Variants in TRMT44 observed in about 807,000 individuals in gnomAD.
The protein encoded by TRMT44 is tRNA methyltransferase 44 homolog.
Under a neutral mutation model 77.3 loss-of-function variants are expected in TRMT44, and 78 were observed. That is an observed-to-expected ratio of 1.01 (90% CI 0.84 to 1.22). TRMT44 has a LOEUF of 1.22. Ranked by LOEUF, TRMT44 falls within the 50% of genes most tolerant of loss-of-function variation. The pLI is 0.00. For synonymous variants in TRMT44, 391 were observed against 383.3 expected, an observed-to-expected ratio of 1.02 and a Z score of -0.23; for missense variants, 1,090 against 964.4, an observed-to-expected ratio of 1.13 and a Z score of -1.73.
the TRMT44 span, among the ~76,000 whole-genome samples, chr4:8,506,329 G>C: frequency 4.6e-5 from 7 of 152,352 alleles, no homozygotes; most frequent in Non-Finnish European, 7.3e-5. Flanking sequence ...TGGAGCAGAA[G>C]GGATTTCTCC....
Position 8,468,046 on chromosome 4 carries a change from C to G in TRMT44, c.1627C>G (p.Pro543Ala). 6.2e-7 allele frequency: 1 copy of G among 1,614,008 alleles called. No homozygotes were observed. Among genetic ancestry groups the G allele is most frequent in the Non-Finnish European group, 8.5e-7 (1 of 1,180,042 alleles). The change falls in exon 9 of 11, where the codon CCA (proline) becomes GCA (alanine). Residue 543 changes from proline to alanine, a missense_variant. By Grantham distance (27) the Pro-to-Ala change is conservative. Transcript: ENST00000389737. ...SPPGWELSPSPRWVAAGSAGH... is the reference protein window; with the variant it reads ...SPPGWELSPSARWVAAGSAGH... Reference sequence around the variant, plus strand: ...ACCTGGCTGGGAGCTTTCCCCTTCTCCACGCTGGGTTGCTGCTGGCAGTGC... The same window carrying G: ...ACCTGGCTGGGAGCTTTCCCCTTCTGCACGCTGGGTTGCTGCTGGCAGTGC...
chr4:8,456,813 T>C (rs777046636), intron 6 of TRMT44, among the ~76,000 whole-genome samples: 71 of 152,300 alleles, frequency 4.7e-4, no homozygotes, highest in South Asian at 2.1e-4. Context: ...TGACTTGGGT[T>C]GTAAAAATAT....
At chr4:8,498,837 A>G in the TRMT44 span, among the ~76,000 whole-genome samples, 2 of 152,132 alleles carry the variant, frequency 1.3e-5, no homozygotes, top group Admixed American at 1.3e-4. This position sits in a 1 kb window ranked among gnomAD's most constrained non-coding sequence, Gnocchi z 4.3. Flanking sequence ...ATACAGGGGC[A>G]GGGGGCATGG....
intron 1 of TRMT44, 52 bp downstream of exon 1, chr4:8,441,493 A>T: frequency 2.1e-6 from 3 of 1,438,274 alleles, no homozygotes; most frequent in Non-Finnish European, 2.7e-6. Context: ...AAGCATTCAT[A>T]GAACCTCGGG....
At chr4:8,475,063 T>C (rs1421032772) in intron 10 of TRMT44, among the ~76,000 whole-genome samples, 1 of 152,176 alleles carries the variant, frequency 6.6e-6, no homozygotes, top group African/African-American at 2.4e-5. Flanking sequence ...CCAGAGCTCA[T>C]TGGCCTCTGT....
the TRMT44 span, among the ~76,000 whole-genome samples, chr4:8,499,364 A>G: frequency 6.6e-6 from 1 of 152,194 alleles, no homozygotes; most frequent in African/African-American, 2.4e-5. Context: ...CAATGCTGCC[A>G]AACCGCAGCC....
At position 8,470,323 on chromosome 4, in the gene TRMT44, AG is replaced by A. The variant is rs112287447; in HGVS notation, c.1928-759del. Reference sequence around the variant, plus strand: ...GTGTCCTGATCCGTAGGGGTCTGACAGGCTCAGCTGCATACAGACAGGCGCC... The same window carrying A: ...GTGTCCTGATCCGTAGGGGTCTGACAGCTCAGCTGCATACAGACAGGCGCC... On this transcript the variant is annotated intron_variant, in intron 9 of 10. Transcript: ENST00000389737. Among the ~76,000 whole-genome samples, 60 of 152,308 alleles carry A rather than the reference AG, an allele frequency of 3.9e-4. 1 individual carries two copies. The highest frequency in any genetic ancestry group is 1.4e-3 in the African/African-American group (60 of 41,566).
intron 2 of TRMT44, among the ~76,000 whole-genome samples, chr4:8,483,410 G>GT (rs200570464): frequency 0.054 from 8,134 of 149,652 alleles, 378 homozygotes; most frequent in African/African-American, 0.12. Context: ...GGGTTGACAA[G>GT]TTTTTTTGGG....
intron 7 of TRMT44, 47 bp from the exon 8 acceptor site, chr4:8,465,331 C>A (rs376831517): frequency 1.1e-5 from 17 of 1,541,998 alleles, no homozygotes; most frequent in Non-Finnish European, 1.5e-5. Context: ...TCCTTGACTG[C>A]GTCTGCTCAG....
chr4:8,516,000 G>C, the TRMT44 span, among the ~76,000 whole-genome samples: 1,305 of 152,302 alleles, frequency 8.6e-3, 5 homozygotes, highest in Middle Eastern at 0.024. Flanking sequence ...GGAGTGAGAT[G>C]GTTGTCCGTG....
the TRMT44 span, among the ~76,000 whole-genome samples, chr4:8,503,787 T>C: frequency 1.7e-4 from 26 of 152,218 alleles, no homozygotes; most frequent in Non-Finnish European, 2.8e-4. Flanking sequence ...CCCGCATCTC[T>C]GGCTGTTCTT....
rs1466820839 is a variant in TRMT44 at position 8,468,270 on chromosome 4, G to T, written c.1851G>T (p.Ala617=). Residue 617 remains alanine, a synonymous_variant, in exon 9 of 11, where the codon GCG becomes GCT. Transcript: ENST00000389737. ...DFIDQVVLQV[A]NLLLGGKQLN... ...TTGACCAAGTGGTTTTGCAAGTAGC[G>T]AATTTACTGTTAGGTGGAAAGCAAT... 1 of 1,614,236 alleles carries T rather than the reference G, an allele frequency of 6.2e-7. No individual in the cohort carries two copies. The highest frequency in any genetic ancestry group is 1.1e-5 in the South Asian group (1 of 91,086).
rs1304685550 is a variant in TRMT44, at chr4:8,461,251, C to T, written c.1204-2734C>T. Reference sequence around the variant, plus strand: ...TTACATTAGGAAATGTTTTCAAAACCTCAGGTTTGAGGAATGTTGGTAATC... The same window carrying T: ...TTACATTAGGAAATGTTTTCAAAACTTCAGGTTTGAGGAATGTTGGTAATC... On this transcript the variant is annotated intron_variant, in intron 6 of 10. Transcript: ENST00000389737. The surrounding 1 kb of genome is among the most constrained non-coding windows in gnomAD (Gnocchi z 4.6). Among the ~76,000 whole-genome samples the T allele has an allele frequency of 6.6e-6, 1 of 152,118 alleles. No individual in the cohort carries two copies. The highest frequency in any genetic ancestry group is 2.4e-5 in the African/African-American group (1 of 41,414).
intron 2 of TRMT44, among the ~76,000 whole-genome samples, chr4:8,486,308 C>A (rs1218818618): frequency 6.6e-6 from 1 of 152,150 alleles, no homozygotes; most frequent in African/African-American, 2.4e-5. Context: ...TTTGGAAGTT[C>A]TTGTGTGCTG....
intron 2 of TRMT44, among the ~76,000 whole-genome samples, chr4:8,491,534 G>C (rs1728004695): frequency 6.6e-6 from 1 of 152,248 alleles, no homozygotes; most frequent in African/African-American, 2.4e-5. Context: ...ATGGCGGGCT[G>C]CATGTCCCGA....
At chr4:8,505,126 C>G in the TRMT44 span, among the ~76,000 whole-genome samples, 1 of 152,194 alleles carries the variant, frequency 6.6e-6, no homozygotes. Context: ...GCCCTGGCAG[C>G]CTCTCTAGGT....
chr4:8,493,265 G>A (rs1728062020), intron 2 of TRMT44: 1 of 152,162 alleles, frequency 6.6e-6, no homozygotes, highest in African/African-American at 2.4e-5. Context: ...ATCTTTTACA[G>A]ACCCTGTATT....
downstream of TRMT44, chr4:8,477,127 G>T (rs1357112327): frequency 6.6e-6 from 1 of 152,292 alleles, no homozygotes; most frequent in Non-Finnish European, 1.5e-5. Flanking sequence ...ACTTTCTGCA[G>T]TGTACCCTGG....
At chr4:8,447,082 G>A (rs576518561) in intron 2 of TRMT44, among the ~76,000 whole-genome samples, 1 of 152,216 alleles carries the variant, frequency 6.6e-6, no homozygotes, top group South Asian at 2.1e-4. Flanking sequence ...CGCCATGTTG[G>A]CCAGGCTGGT....
Sources: gnomAD v4.1 joint callset for allele counts (sites outside exome capture counted in the v4.1 genomes callset) on GRCh38, gnomAD v4.1.1 for gene constraint, Gnocchi (gnomAD v3.1) non-coding constraint, MANE v1.5 for transcripts, NCBI Gene and HGNC (gene_info 2026-07-23, HGNC 2026-07-21) for gene names.